The following TNRC6B variants were observed in gnomAD, a reference collection of about 807,000 sequenced individuals.
The protein encoded by TNRC6B is trinucleotide repeat-containing gene 6B protein.
Under a neutral mutation model 203.6 loss-of-function variants are expected in TNRC6B, and 52 were observed. The ratio of observed to expected loss-of-function variants is 0.26; its 90% confidence interval spans 0.20 to 0.32. The LOEUF is 0.32. TNRC6B is among the 10% of genes least tolerant of loss of function. TNRC6B has a pLI of 1.00. For missense variants in TNRC6B, 1,923 were observed against 2,286.2 expected (o/e 0.84, Z 3.24); for synonymous variants, 838 against 845.7 (o/e 0.99, Z 0.16).
At chr22:40,149,679 CAAAAAA>C (rs58482182) in intron 3 of TNRC6B, among the ~76,000 whole-genome samples, 5 of 84,844 alleles carry the variant, frequency 5.9e-5, no homozygotes, top group Admixed American at 1.5e-4. Context: ...CCTCCCCCGC[CAAAAAA>C]AAAAAAAAAA....
In TNRC6B at chr22:40,273,481, C is replaced by A; in HGVS notation, c.3022C>A (p.Arg1008Ser). ...GESDGPVTGA[R>S]HPSWEEEEDG... ...GAGTGACGGGCCAGTCACAGGAGCT[C>A]GCCATCCCAGCTGGGAAGAGGAGGA... Residue 1008 changes from arginine to serine, a missense_variant, in exon 7 of 23, where the codon CGC (arginine) becomes AGC (serine). Physicochemically the swap from Arg to Ser is moderately radical, Grantham distance 110. Transcript: ENST00000454349. 6.2e-7 allele frequency: 1 copy of A among 1,608,806 alleles called. No homozygotes were observed. Among genetic ancestry groups the A allele is most frequent in the East Asian group, 2.2e-5 (1 of 44,706 alleles).
intron 1 of TNRC6B, among the ~76,000 whole-genome samples, chr22:40,073,791 C>T (rs1373346285): frequency 6.6e-6 from 1 of 152,084 alleles, no homozygotes; most frequent in Non-Finnish European, 1.5e-5. Flanking sequence ...GGTGCGGTGG[C>T]TCATGCCTGT....
At chr22:40,143,381 T>G (rs1201215121) in intron 3 of TNRC6B, among the ~76,000 whole-genome samples, 1 of 152,056 alleles carries the variant, frequency 6.6e-6, no homozygotes, top group Non-Finnish European at 1.5e-5. Context: ...TGCAATGAGC[T>G]ATGATCACGC....
Position 40,262,099 on chromosome 22 carries a change from C to G in TNRC6B, c.383C>G (p.Thr128Arg), listed in dbSNP as rs1450774668. 2 of 1,543,890 alleles carry G rather than the reference C, an allele frequency of 1.3e-6. No individual in the cohort carries two copies. The highest frequency in any genetic ancestry group is 2.4e-5 in the South Asian group (2 of 83,576). The change falls in exon 4 of 23, where the codon ACA becomes AGA. Residue 128 changes from threonine to arginine, a missense_variant. Physicochemically the swap from Thr to Arg is moderately conservative, Grantham distance 71 (BLOSUM62 -1). Around this residue, in one of 8 missense-constraint regions of TNRC6B, gnomAD observed 614 missense variants for 587.7 expected, o/e 1.04. Coordinates refer to ENST00000454349, the MANE Select transcript of TNRC6B (RefSeq NM_001162501.2). Reference sequence around the variant, plus strand: ...GGTGGGGCAGGGCCTCCTCCCTGCACAGCACCTGGAGCAAACCCAAACAAC... The same window carrying G: ...GGTGGGGCAGGGCCTCCTCCCTGCAGAGCACCTGGAGCAAACCCAAACAAC... ...LGGGAGPPPC[T>R]APGANPNNAQ...
At position 40,159,157 on chromosome 22, in the gene TNRC6B, G is replaced by A. The variant is rs201838866; in HGVS notation, c.113+2975G>A. ...TTTCTGTATTTTTAGTAGAGATGGG[G>A]TTTCACCGTGTTAGCCAGGATGGTC... On this transcript the variant is annotated intron_variant, in intron 4 of 23. Coordinates refer to the TNRC6B transcript ENST00000301923. Among the ~76,000 whole-genome samples the A allele has an allele frequency of 3.2e-3, 492 of 151,458 alleles. 17 individuals are homozygous for A. The East Asian group carries it at 0.072, about 22-fold the overall frequency.
intron 3 of TNRC6B, among the ~76,000 whole-genome samples, chr22:40,258,785 G>A (rs2070326079): frequency 6.6e-6 from 1 of 152,156 alleles, no homozygotes; most frequent in Non-Finnish European, 1.5e-5. Context: ...ACTTTTGCAA[G>A]GAATCTTACA....
At chr22:40,045,054 C>T (rs1320039801) in intron 1 of TNRC6B, 4 of 145,232 alleles carry the variant, frequency 2.8e-5, no homozygotes, top group Admixed American at 1.4e-4. Flanking sequence ...CCCGCCGGGA[C>T]GGAGCGGGGC....
intron 1 of TNRC6B, among the ~76,000 whole-genome samples, chr22:40,074,637 G>A (rs1205916806): frequency 3.9e-5 from 6 of 152,004 alleles, no homozygotes; most frequent in Non-Finnish European, 8.8e-5. Flanking sequence ...AAATTAGCCA[G>A]GCGTGGTGGT....
At chr22:40,317,564 G>A (rs747801801) in intron 21 of TNRC6B, among the ~76,000 whole-genome samples, 11 of 152,120 alleles carry the variant, frequency 7.2e-5, no homozygotes, top group Non-Finnish European at 1.5e-4. Context: ...GCGACAGAGC[G>A]AGACTCCATC....
chr22:40,271,091 C>T (rs1289871972), intron 6 of TNRC6B, among the ~76,000 whole-genome samples: 1 of 152,172 alleles, frequency 6.6e-6, no homozygotes, highest in Non-Finnish European at 1.5e-5. Context: ...AAGAACGTCA[C>T]ACTTATTCAG....
intron 1 of TNRC6B, among the ~76,000 whole-genome samples, chr22:40,236,940 G>T (rs569157167): frequency 6.6e-6 from 1 of 152,052 alleles, no homozygotes; most frequent in South Asian, 2.1e-4. Flanking sequence ...CGAGGCGGGC[G>T]GATTATCTGA....
intron 21 of TNRC6B, among the ~76,000 whole-genome samples, chr22:40,319,112 T>C (rs2071300071): frequency 6.6e-6 from 1 of 151,998 alleles, no homozygotes; most frequent in Non-Finnish European, 1.5e-5. Flanking sequence ...CCATATAAAA[T>C]GAATATGGGG....
At chr22:40,218,312 C>CT (rs1291555419) in intron 1 of TNRC6B, among the ~76,000 whole-genome samples, 9 of 125,124 alleles carry the variant, frequency 7.2e-5, no homozygotes, top group Admixed American at 1.8e-4. Flanking sequence ...TTTTTTTTTT[C>CT]TTTTTTCTTT....
chr22:40,212,285 G>A lies in TNRC6B; in HGVS notation c.6-33730G>A, dbSNP rs191614324. On this transcript the variant is annotated intron_variant, in intron 1 of 22. Coordinates refer to ENST00000454349, the MANE Select transcript of TNRC6B (RefSeq NM_001162501.2). ...TACCACCTACCACATCTGTGACCTT[G>A]GACCCTGTCAGACATGCCCTGCCCA... Among the ~76,000 whole-genome samples the A allele has an allele frequency of 1.1e-3, 170 of 152,320 alleles. 1 individual carries two copies. Among genetic ancestry groups the A allele is most frequent in the Non-Finnish European group, 2.0e-3 (138 of 68,028 alleles).
At chr22:40,136,399 G>GTGTGTT (rs1208417627) in intron 3 of TNRC6B, among the ~76,000 whole-genome samples, 1 of 141,750 alleles carries the variant, frequency 7.1e-6, no homozygotes, top group African/African-American at 2.6e-5. Context: ...GTGTGTGTGT[G>GTGTGTT]TGTATACTTT....
intron 1 of TNRC6B, among the ~76,000 whole-genome samples, chr22:40,114,444 T>C (rs1302542197): frequency 6.6e-6 from 1 of 152,144 alleles, no homozygotes; most frequent in East Asian, 1.9e-4. Flanking sequence ...CCTTAGCCTC[T>C]TTAGTAGCTG....
At chr22:40,270,779 A>C (rs969450943) in intron 6 of TNRC6B, among the ~76,000 whole-genome samples, 1 of 152,192 alleles carries the variant, frequency 6.6e-6, no homozygotes, top group Admixed American at 6.5e-5. Context: ...CGTTTCTTAA[A>C]ATGTTTAAGG....
chr22:40,176,061 T>A (rs1243024662), upstream of TNRC6B, among the ~76,000 whole-genome samples: 1 of 151,920 alleles, frequency 6.6e-6, no homozygotes, highest in East Asian at 1.9e-4. Flanking sequence ...CACTAGGGAA[T>A]CCTCCCTTTT....
rs200344480 is a variant in TNRC6B at position 40,149,971 on chromosome 22, A to AT, written c.46-6136dup. Among the ~76,000 whole-genome samples, 333 of 126,972 alleles carry AT rather than the reference A, an allele frequency of 2.6e-3. 1 individual carries two copies. The highest frequency in any genetic ancestry group is 0.011 in the African/African-American group (308 of 28,692). 83.3% of individuals were successfully genotyped at this position (126,972 alleles called of 152,430 possible). A position where few individuals can be genotyped will look rare whatever the true frequency, so the allele number is the denominator to read the frequency against. On this transcript the variant is annotated intron_variant, in intron 3 of 23. Coordinates refer to the TNRC6B transcript ENST00000301923. ...GAGCTACTGCACCTGGTATAAAATA[A>AT]TTTTTTTTAAAATGAAAGCCAACAA...
Sources: gnomAD v4.1 joint callset for allele counts (sites outside exome capture counted in the v4.1 genomes callset) on GRCh38, gnomAD v4.1.1 for gene constraint, gnomAD v4.1.1 regional missense constraint, MANE v1.5 for transcripts, NCBI Gene and HGNC (gene_info 2026-07-23, HGNC 2026-07-21) for gene names.